NFIL3: variants seen among roughly 807,000 people sequenced by gnomAD.
NFIL3 encodes nuclear factor, interleukin 3 regulated.
A neutral mutation model predicts 10.0 loss-of-function variants in NFIL3; 5 were observed. That is an observed-to-expected ratio of 0.50 (90% confidence interval 0.26 to 1.06). The LOEUF is 1.06. Among genes scored for constraint, NFIL3 ranks in the 50% least tolerant of loss-of-function variants. The pLI is 0.13. For missense variants in NFIL3, 436 were observed against 547.6 expected, an observed-to-expected ratio of 0.80 and a Z score of 2.03; for synonymous variants, 202 against 206.5, an observed-to-expected ratio of 0.98 and a Z score of 0.19.
chr9:91,426,257 T>G (rs1239100487), upstream of NFIL3: 1 of 152,196 alleles, frequency 6.6e-6, no homozygotes, highest in African/African-American at 2.4e-5. Flanking sequence ...GTGAAAGGTA[T>G]CTGAGATACC....
At chr9:91,437,983 C>T in the NFIL3 span, among the ~76,000 whole-genome samples, 1 of 152,144 alleles carries the variant, frequency 6.6e-6, no homozygotes, top group Admixed American at 6.5e-5. Context: ...CGTGCACATA[C>T]CTTTATGAAA....
At chr9:91,416,209 A>G (rs1332875120) in intron 1 of NFIL3, among the ~76,000 whole-genome samples, 1 of 149,552 alleles carries the variant, frequency 6.7e-6, no homozygotes, top group Admixed American at 6.7e-5. Flanking sequence ...TTTCAACATG[A>G]GGCGGGGGAC....
chr9:91,443,614 C>CATG, the NFIL3 span, among the ~76,000 whole-genome samples: 1 of 152,224 alleles, frequency 6.6e-6, no homozygotes, highest in South Asian at 2.1e-4. Flanking sequence ...CTGGGCTCGA[C>CATG]CACGACTTTG....
the NFIL3 span, among the ~76,000 whole-genome samples, chr9:91,453,463 T>C: frequency 5.9e-5 from 9 of 152,238 alleles, no homozygotes; most frequent in South Asian, 1.9e-3. Flanking sequence ...TTAAATGTAA[T>C]GAATTATTAA....
chr9:91,438,689 G>A, the NFIL3 span, among the ~76,000 whole-genome samples: 1 of 152,156 alleles, frequency 6.6e-6, no homozygotes, highest in Non-Finnish European at 1.5e-5. Context: ...TTTTGTGCAT[G>A]ATGTAAGATA....
the NFIL3 span, among the ~76,000 whole-genome samples, chr9:91,474,683 G>T: frequency 6.6e-6 from 1 of 152,134 alleles, no homozygotes; most frequent in African/African-American, 2.4e-5. Flanking sequence ...TTCATCCTGG[G>T]AATCCTAACA....
At chr9:91,433,054 C>T in the NFIL3 span, among the ~76,000 whole-genome samples, 1 of 152,012 alleles carries the variant, frequency 6.6e-6, no homozygotes, top group Non-Finnish European at 1.5e-5. Flanking sequence ...AAGGTCTTAG[C>T]CATTGCAATG....
At chr9:91,423,157 C>T (rs1833801168) in intron 1 of NFIL3, among the ~76,000 whole-genome samples, 1 of 152,142 alleles carries the variant, frequency 6.6e-6, no homozygotes, top group Non-Finnish European at 1.5e-5. Context: ...CGCTACCAAC[C>T]CTTTTTCTCA....
At chr9:91,411,879 G>A (rs1427718719) in intron 1 of NFIL3, among the ~76,000 whole-genome samples, 1 of 152,032 alleles carries the variant, frequency 6.6e-6, no homozygotes, top group African/African-American at 2.4e-5. Flanking sequence ...GAAGCGGGCA[G>A]ATCACAAGGT....
chr9:91,460,459 T>A, the NFIL3 span, among the ~76,000 whole-genome samples: 1 of 151,592 alleles, frequency 6.6e-6, no homozygotes, highest in Non-Finnish European at 1.5e-5. Context: ...ATTGTTTTAG[T>A]AGAGATGGGG....
At chr9:91,438,966 T>G in the NFIL3 span, among the ~76,000 whole-genome samples, 1 of 152,198 alleles carries the variant, frequency 6.6e-6, no homozygotes, top group African/African-American at 2.4e-5. Flanking sequence ...GTGTGATACC[T>G]TCAACTATTT....
upstream of NFIL3, among the ~76,000 whole-genome samples, chr9:91,424,876 G>C (rs866766962): frequency 1.3e-5 from 2 of 152,200 alleles, no homozygotes; most frequent in Non-Finnish European, 2.9e-5. Flanking sequence ...AACTGGATAC[G>C]GTAGTCTTCT....
the NFIL3 span, among the ~76,000 whole-genome samples, chr9:91,482,096 G>A: frequency 6.6e-6 from 1 of 152,218 alleles, no homozygotes; most frequent in Non-Finnish European, 1.5e-5. Context: ...AAGTGATCCG[G>A]CAATATCCAT....
intron 1 of NFIL3, among the ~76,000 whole-genome samples, chr9:91,420,493 G>A (rs1264910717): frequency 6.6e-6 from 1 of 152,016 alleles, no homozygotes; most frequent in African/African-American, 2.4e-5. Context: ...GGAGAGTGAT[G>A]GAAATCAGGA....
At chr9:91,467,944 C>T in the NFIL3 span, among the ~76,000 whole-genome samples, 1 of 152,212 alleles carries the variant, frequency 6.6e-6, no homozygotes, top group East Asian at 1.9e-4. Flanking sequence ...CACTGATGGA[C>T]ATTTGGGTTG....
rs1587960036 is a variant in NFIL3 at position 91,409,217 on chromosome 9, A to G, written c.*129T>C. On this transcript the variant is annotated 3_prime_UTR_variant, in exon 2 of 2. Coordinates refer to ENST00000297689, the MANE Select transcript of NFIL3 (RefSeq NM_005384.3). ...ATAATCTGTGCACAAAAAGACACCA[A>G]ACAGACAACATGTGCACATCACAGT... The G allele has an allele frequency of 3.5e-6, 3 of 864,198 alleles. No homozygotes were observed. The highest frequency in any genetic ancestry group is 5.2e-6 in the Non-Finnish European group (3 of 575,460). The allele number at this position is 864,198 out of a possible 1,614,324, so 53.5% of individuals were successfully genotyped here. A position where few individuals can be genotyped will look rare whatever the true frequency, so the allele number is the denominator to read the frequency against.
At chr9:91,445,644 C>T in the NFIL3 span, among the ~76,000 whole-genome samples, 1 of 152,080 alleles carries the variant, frequency 6.6e-6, no homozygotes, top group African/African-American at 2.4e-5. Flanking sequence ...GCAGCATTGG[C>T]TTGGGCACTG....
rs923085295 is a variant in NFIL3, at chr9:91,410,856, G to A, written c.-122C>T. 15 of 1,051,506 alleles carry A rather than the reference G, an allele frequency of 1.4e-5. No individual in the cohort carries two copies. Among genetic ancestry groups the A allele is most frequent in the Non-Finnish European group, 1.7e-5 (13 of 745,300 alleles). The allele number at this position is 1,051,506 out of a possible 1,614,324, so 65.1% of individuals were successfully genotyped here. A position where few individuals can be genotyped will look rare whatever the true frequency, so the allele number is the denominator to read the frequency against. ...ATTCTTCCTTTTGTTCTACCGTCTG[G>A]GATAAATCCGTCAGGCTCCTTATTG... On this transcript the variant is annotated 5_prime_UTR_variant, in exon 2 of 2. Coordinates refer to ENST00000297689, the MANE Select transcript of NFIL3 (RefSeq NM_005384.3). This position sits in a 1 kb window ranked among gnomAD's most constrained non-coding sequence, Gnocchi z 5.7.
At position 91,423,679 on chromosome 9, in the gene NFIL3, G is replaced by A. The variant is rs1833817164; in HGVS notation, c.-212C>T. On this transcript the variant is annotated 5_prime_UTR_variant, in exon 1 of 2. Coordinates refer to ENST00000297689, the MANE Select transcript of NFIL3 (RefSeq NM_005384.3). Reference sequence around the variant, plus strand: ...CGGGCCGGCGAGGAGAAAGAAAGGGGCGGCCGGGAGTCGGGCCGCCGGCGC... The same window carrying A: ...CGGGCCGGCGAGGAGAAAGAAAGGGACGGCCGGGAGTCGGGCCGCCGGCGC... The A allele has an allele frequency of 6.8e-6, 1 of 146,134 alleles. No individual in the cohort carries two copies. The highest frequency in any genetic ancestry group is 2.5e-5 in the African/African-American group (1 of 40,722). The allele number at this position is 146,134 out of a possible 1,614,324, so 9.1% of individuals were successfully genotyped here.
Sources: allele counts gnomAD v4.1 joint callset (sites outside exome capture counted in the v4.1 genomes callset), GRCh38; gene constraint gnomAD v4.1.1; non-coding constraint Gnocchi (gnomAD v3.1); transcripts MANE v1.5; gene names NCBI Gene and HGNC (gene_info 2026-07-23, HGNC 2026-07-21).